RFX3: variants seen among roughly 807,000 people sequenced by gnomAD.
RFX3 encodes regulatory factor X3.
A neutral mutation model predicts 98.6 loss-of-function variants in RFX3; 14 were observed. The ratio of observed to expected loss-of-function variants is 0.14; its 90% CI spans 0.09 to 0.22. RFX3 has a LOEUF of 0.22. RFX3 is among the 10% of genes least tolerant of loss of function. The probability of loss-of-function intolerance (pLI) is 1.00; values close to 1 mark genes in which losing one functional copy is unlikely to be tolerated. For missense variants in RFX3, 639 were observed against 926.9 expected (o/e 0.69, Z 4.03); for synonymous variants, 383 against 328.4 (o/e 1.17, Z -1.80).
Position 3,395,466 on chromosome 9 carries a change from C to A in RFX3, c.117+6G>T. On this transcript the variant is annotated splice_donor_region_variant and intron_variant, in intron 2 of 16. Transcript: ENST00000617270. ...AGCATCTTTTCTAAGAGCAGCAGCT[C>A]CTTACCTGTTGTTGTACTGGTACTT... is the stretch of plus-strand genomic sequence containing the variant. The A allele has an allele frequency of 6.2e-7, 1 of 1,613,586 alleles. No individual in the cohort carries two copies. The highest frequency in any genetic ancestry group is 8.5e-7 in the Non-Finnish European group (1 of 1,179,578).
intron 3 of RFX3, among the ~76,000 whole-genome samples, chr9:3,336,174 A>G (rs1291679810): frequency 6.6e-6 from 1 of 152,202 alleles, no homozygotes; most frequent in Non-Finnish European, 1.5e-5. Context: ...GATAGAATAT[A>G]GATATGGTGA....
intron 1 of RFX3, among the ~76,000 whole-genome samples, chr9:3,477,418 A>T (rs1354287694): frequency 6.6e-6 from 1 of 152,150 alleles, no homozygotes; most frequent in Non-Finnish European, 1.5e-5. Flanking sequence ...GAAACGTCTT[A>T]ATTTCACTTT....
chr9:3,265,842 A>C (rs1013789704), intron 12 of RFX3, among the ~76,000 whole-genome samples: 1 of 152,146 alleles, frequency 6.6e-6, no homozygotes, highest in African/African-American at 2.4e-5. Context: ...AATTCCTTCA[A>C]ATGAAAACTA....
At chr9:3,290,300 C>T (rs59102176) in intron 6 of RFX3, among the ~76,000 whole-genome samples, 8,754 of 151,952 alleles carry the variant, frequency 0.058, 834 homozygotes, top group African/African-American at 0.2. Context: ...TATTGCAATA[C>T]GTACTTACAG....
At chr9:3,508,817 A>G (rs1817379605) in intron 1 of RFX3, among the ~76,000 whole-genome samples, 1 of 152,008 alleles carries the variant, frequency 6.6e-6, no homozygotes, top group African/African-American at 2.4e-5. Context: ...GGGAAGTTCA[A>G]TTGCCATATT....
chr9:3,221,623 T>C lies in RFX3; in HGVS notation c.*3419A>G, dbSNP rs1225115257. 6.6e-6 allele frequency: 1 copy of C among 152,172 alleles called. No homozygotes were observed. Among genetic ancestry groups the C allele is most frequent in the Non-Finnish European group, 1.5e-5 (1 of 68,006 alleles). 9.4% of individuals were successfully genotyped at this position (152,172 alleles called of 1,614,324 possible). Reference sequence around the variant, plus strand: ...CCAAACACAGTTTGGATGAAAATCCTGAATAAGTGACTAGCAACTTGATAG... The same window carrying C: ...CCAAACACAGTTTGGATGAAAATCCCGAATAAGTGACTAGCAACTTGATAG... On this transcript the variant is annotated 3_prime_UTR_variant, in exon 17 of 17. Coordinates refer to ENST00000617270, the MANE Select transcript of RFX3 (RefSeq NM_001282116.2).
chr9:3,247,137 T>C (rs964762628), intron 15 of RFX3: 4 of 985,318 alleles, frequency 4.1e-6, no homozygotes, highest in Admixed American at 6.2e-5. Context: ...TTTAATAATC[T>C]GGTATGATTC....
intron 1 of RFX3, among the ~76,000 whole-genome samples, chr9:3,426,324 T>C (rs1844024895): frequency 6.6e-6 from 1 of 151,546 alleles, no homozygotes; most frequent in African/African-American, 2.4e-5. Flanking sequence ...CAAATACCTA[T>C]CTTTTTTTTT....
At chr9:3,471,054 GTTGA>G (rs1406112343) in intron 1 of RFX3, among the ~76,000 whole-genome samples, 1 of 152,132 alleles carries the variant, frequency 6.6e-6, no homozygotes, top group East Asian at 1.9e-4. Flanking sequence ...AATCTGTGAT[GTTGA>G]TTATTTTATA....
chr9:3,396,438 C>T (rs967210913), intron 1 of RFX3, among the ~76,000 whole-genome samples: 3 of 152,198 alleles, frequency 2.0e-5, no homozygotes, highest in Admixed American at 6.5e-5. Flanking sequence ...TCCAGTCTAT[C>T]ATTGTTGGAC....
At chr9:3,477,370 T>TA (rs770355837) in intron 1 of RFX3, among the ~76,000 whole-genome samples, 5 of 152,226 alleles carry the variant, frequency 3.3e-5, no homozygotes, top group Non-Finnish European at 5.9e-5. Context: ...TAACATTTCT[T>TA]AGAGTTCGTG....
intron 2 of RFX3, chr9:3,394,724 C>G (rs1840679990): frequency 1.6e-6 from 1 of 628,056 alleles, no homozygotes; most frequent in Non-Finnish European, 2.0e-6. Context: ...AAATTATAGG[C>G]AAATCTTGAA....
intron 2 of RFX3, among the ~76,000 whole-genome samples, chr9:3,376,072 T>C (rs1228718785): frequency 6.6e-6 from 1 of 152,128 alleles, no homozygotes; most frequent in Non-Finnish European, 1.5e-5. Context: ...AGTTGGTCAA[T>C]AAGCACATAA....
At chr9:3,520,446 T>C (rs1818595597) in intron 1 of RFX3, among the ~76,000 whole-genome samples, 1 of 152,192 alleles carries the variant, frequency 6.6e-6, no homozygotes. Context: ...AGAGTATATA[T>C]TGCTGTGAAA....
intron 1 of RFX3, among the ~76,000 whole-genome samples, chr9:3,495,218 A>G (rs555395815): frequency 1.1e-4 from 17 of 151,394 alleles, no homozygotes; most frequent in Admixed American, 7.3e-4. Context: ...CATTTTTAGG[A>G]AAAAAAAATT....
At chr9:3,312,488 A>G (rs1830072762) in intron 4 of RFX3, among the ~76,000 whole-genome samples, 1 of 152,146 alleles carries the variant, frequency 6.6e-6, no homozygotes, top group Non-Finnish European at 1.5e-5. Flanking sequence ...TATTCAAACA[A>G]TATGCAAATA....
rs1817435329 is a variant in RFX3 at position 3,223,161 on chromosome 9, T to G, written c.*1881A>C. On this transcript the variant is annotated 3_prime_UTR_variant, in exon 17 of 17. Coordinates refer to ENST00000617270, the MANE Select transcript of RFX3 (RefSeq NM_001282116.2). ...ATCTGTCAATCATTTTGTGCTTTCC[T>G]TTTTTTTGGCTTTATTATCTATTTA... The G allele has an allele frequency of 6.6e-6, 1 of 151,932 alleles. No homozygotes were observed. Among genetic ancestry groups the G allele is most frequent in the Non-Finnish European group, 1.5e-5 (1 of 67,964 alleles). 9.4% of individuals were successfully genotyped at this position (151,932 alleles called of 1,614,324 possible). A position where few individuals can be genotyped will look rare whatever the true frequency, so the allele number is the denominator to read the frequency against.
chr9:3,473,810 G>C (rs1277237796), intron 1 of RFX3, among the ~76,000 whole-genome samples: 3 of 152,128 alleles, frequency 2.0e-5, no homozygotes, highest in African/African-American at 7.2e-5. Context: ...AAAAGGTCTT[G>C]TATCTTTAAA....
intron 12 of RFX3, among the ~76,000 whole-genome samples, 172 bp downstream of exon 12, chr9:3,266,036 C>T (rs1335336826): frequency 1.3e-5 from 2 of 152,012 alleles, no homozygotes; most frequent in Admixed American, 6.6e-5. Context: ...ATCTCTTGTG[C>T]AAGTTCTTTA....
Sources: allele counts gnomAD v4.1 joint callset (sites outside exome capture counted in the v4.1 genomes callset), GRCh38; gene constraint gnomAD v4.1.1; transcripts MANE v1.5; gene names NCBI Gene and HGNC (gene_info 2026-07-23, HGNC 2026-07-21).